Variants in PRKX observed in about 807,000 individuals in gnomAD.
The protein encoded by PRKX is protein kinase cAMP-dependent X-linked catalytic subunit, also known as cAMP-dependent protein kinase catalytic subunit PRKX.
Under a neutral mutation model 22.0 loss-of-function variants are expected in PRKX, and 12 were observed. The observed-to-expected ratio is 0.54, with a 90% CI of 0.35 to 0.88. The LOEUF (loss-of-function observed/expected upper bound fraction) is 0.88, where lower values mean the gene tolerates loss of function less well. Among genes scored for constraint, PRKX ranks in the 40% least tolerant of loss-of-function variants. The pLI, the probability that PRKX is intolerant of heterozygous loss-of-function variation, is 0.01. For missense variants in PRKX, 217 were observed against 308.0 expected (o/e 0.70, Z 2.21); for synonymous variants, 134 against 137.7 (o/e 0.97, Z 0.19).
intron 1 of PRKX, among the ~76,000 whole-genome samples, chrX:3,685,863 T>C (rs1476246274): frequency 8.9e-6 from 1 of 111,757 alleles, no homozygotes; most frequent in Non-Finnish European, 1.9e-5. Flanking sequence ...CCAGGCAACA[T>C]GGTGAAACCC....
At chrX:3,647,824 ACTT>A (rs1434051828) in intron 3 of PRKX, among the ~76,000 whole-genome samples, 1 of 109,092 alleles carries the variant, frequency 9.2e-6, no homozygotes, top group African/African-American at 3.3e-5. Flanking sequence ...CACTGCTGGA[ACTT>A]CTTCATCATT....
At chrX:3,706,628 T>C (rs1603474961) in intron 1 of PRKX, among the ~76,000 whole-genome samples, 1 of 112,216 alleles carries the variant, frequency 8.9e-6, no homozygotes, top group East Asian at 2.8e-4. Flanking sequence ...TTTACAAGTA[T>C]GTCTCTTCCT....
chrX:3,681,033 C>T (rs1326212476), intron 1 of PRKX, among the ~76,000 whole-genome samples: 1 of 108,668 alleles, frequency 9.2e-6, no homozygotes, highest in Non-Finnish European at 1.9e-5. Context: ...ATGGTTGCCA[C>T]CGCACTGCAG....
At chrX:3,648,953 G>A (rs1250855274) in intron 3 of PRKX, among the ~76,000 whole-genome samples, 1 of 110,577 alleles carries the variant, frequency 9.0e-6, no homozygotes, top group Non-Finnish European at 1.9e-5. Flanking sequence ...AAAAGCTGTC[G>A]CAGAGAAATA....
chrX:3,680,293 G>C (rs546092771), intron 1 of PRKX, among the ~76,000 whole-genome samples: 2 of 110,666 alleles, frequency 1.8e-5, no homozygotes, highest in Non-Finnish European at 3.8e-5. Context: ...ACCGGTGCCC[G>C]CCACCCCGCC....
chrX:3,617,582 G>A (rs1260063309), intron 6 of PRKX, among the ~76,000 whole-genome samples: 1 of 110,483 alleles, frequency 9.1e-6, no homozygotes, highest in Non-Finnish European at 1.9e-5. Flanking sequence ...GGAGGTCAAG[G>A]CTGCAGTGAG....
intron 1 of PRKX, among the ~76,000 whole-genome samples, chrX:3,683,958 A>G (rs1178423626): frequency 8.9e-6 from 1 of 112,137 alleles, no homozygotes; most frequent in Non-Finnish European, 1.9e-5. Context: ...CATCCAAAAA[A>G]AACAAGGTAG....
intron 1 of PRKX, among the ~76,000 whole-genome samples, chrX:3,681,498 C>CA (rs1402587395): frequency 9.3e-6 from 1 of 107,822 alleles, no homozygotes; most frequent in African/African-American, 3.4e-5. Context: ...ACTAAAAATA[C>CA]AAAAAAATTA....
chrX:3,681,262 G>C (rs188220269), intron 1 of PRKX, among the ~76,000 whole-genome samples: 1 of 103,788 alleles, frequency 9.6e-6, no homozygotes, highest in East Asian at 3.1e-4. Context: ...TGTGCACCTG[G>C]AGTCCCAACT....
chrX:3,661,266 A>C (rs1206492780), intron 2 of PRKX, among the ~76,000 whole-genome samples: 1 of 111,573 alleles, frequency 9.0e-6, no homozygotes, highest in Non-Finnish European at 1.9e-5. Flanking sequence ...AAATATTATA[A>C]GAAAAAAGAA....
rs745485596 is a variant in PRKX, at chrX:3,605,012, GACACACACACACACACACACAC to G, written c.*3935_*3956del. ...AAATACAGCCCCTCACCTTCACCAA[GACACACACACACACACACACAC>G]ACACACACACACACACACACACACA... On this transcript the variant is annotated 3_prime_UTR_variant, in exon 9 of 9. Coordinates refer to ENST00000262848, the MANE Select transcript of PRKX (RefSeq NM_005044.5). 490 of 84,565 alleles carry G rather than the reference GACACACACACACACACACACAC, an allele frequency of 5.8e-3. 3 individuals carry two copies. The highest frequency in any genetic ancestry group is 0.019 in the African/African-American group (425 of 22,553). 7.0% of individuals were successfully genotyped at this position (84,565 alleles called of 1,213,427 possible).
In PRKX at chrX:3,699,948, T is replaced by G. The variant is rs183303912; in HGVS notation, c.166+13140A>C. On this transcript the variant is annotated intron_variant, in intron 1 of 8. Transcript: ENST00000262848. ...GCACTTATTTCTGTGGCTTTTTGGGTGAAGAGGAGACTGGGAGTGTTGATT... is the reference window on the plus strand; with the variant it reads ...GCACTTATTTCTGTGGCTTTTTGGGGGAAGAGGAGACTGGGAGTGTTGATT... 6.8e-3 allele frequency among the ~76,000 whole-genome samples: 750 copies of G among 110,958 alleles called. 9 individuals carry two copies. The highest frequency in any genetic ancestry group is 0.023 in the African/African-American group (713 of 30,446).
chrX:3,655,112 G>A, intron 3 of PRKX, 37 bp downstream of exon 3: 1 of 1,206,640 alleles, frequency 8.3e-7, no homozygotes, highest in Middle Eastern at 2.3e-4. Context: ...TCATTGCCAA[G>A]CAGTGTAGAT....
At chrX:3,617,460 A>C (rs1195796224) in intron 6 of PRKX, among the ~76,000 whole-genome samples, 2 of 109,478 alleles carry the variant, frequency 1.8e-5, no homozygotes, top group African/African-American at 6.7e-5. Flanking sequence ...CCTGGGCAAC[A>C]AAGTAAGACC....
chrX:3,671,985 C>A (rs1362695536), intron 2 of PRKX, among the ~76,000 whole-genome samples: 1 of 111,329 alleles, frequency 9.0e-6, no homozygotes, highest in Non-Finnish European at 1.9e-5. Context: ...ATTATCTTCA[C>A]CAAAGAGGTT....
chrX:3,688,617 C>G (rs1928229606), intron 1 of PRKX, among the ~76,000 whole-genome samples: 1 of 110,607 alleles, frequency 9.0e-6, no homozygotes, highest in African/African-American at 3.3e-5. Flanking sequence ...AATCCCAGCA[C>G]TTTAGAAGGC....
chrX:3,631,430 C>A (rs1926778545), intron 4 of PRKX, among the ~76,000 whole-genome samples: 1 of 112,237 alleles, frequency 8.9e-6, no homozygotes, highest in African/African-American at 3.2e-5. Flanking sequence ...GATGCGGCCA[C>A]AAGCCCAGGG....
At chrX:3,695,626 G>C (rs1928428956) in intron 1 of PRKX, among the ~76,000 whole-genome samples, 1 of 111,015 alleles carries the variant, frequency 9.0e-6, no homozygotes, top group South Asian at 3.8e-4. Flanking sequence ...TGCCCAGGCT[G>C]GTCTCAAACT....
chrX:3,677,649 T>TA (rs1476124515), intron 1 of PRKX, among the ~76,000 whole-genome samples: 1 of 112,081 alleles, frequency 8.9e-6, no homozygotes, highest in African/African-American at 3.2e-5. Flanking sequence ...CAATTTTACT[T>TA]AGAGTATTTG....
Sources: gnomAD v4.1 joint callset for allele counts (sites outside exome capture counted in the v4.1 genomes callset) on GRCh38, gnomAD v4.1.1 for gene constraint, MANE v1.5 for transcripts, NCBI Gene and HGNC (gene_info 2026-07-23, HGNC 2026-07-21) for gene names.